Variants in TBC1D8 observed in about 807,000 individuals in gnomAD.
The protein encoded by TBC1D8 is TBC1 domain family member 8.
TBC1D8 carries 65 observed loss-of-function variants against 118.8 expected under a neutral mutation model. That is an observed-to-expected ratio of 0.55 (90% CI 0.45 to 0.67). TBC1D8 has a LOEUF of 0.67. Ranked by LOEUF, TBC1D8 falls within the 30% of genes least tolerant of loss-of-function variation. The pLI is 0.00. For missense variants in TBC1D8, 1,376 were observed against 1,471.2 expected, an observed-to-expected ratio of 0.94 and a Z score of 1.06; for synonymous variants, 566 against 595.8, an observed-to-expected ratio of 0.95 and a Z score of 0.73.
At chr2:101,090,931 T>A (rs1675993643) in intron 1 of TBC1D8, among the ~76,000 whole-genome samples, 2 of 152,238 alleles carry the variant, frequency 1.3e-5, no homozygotes, top group South Asian at 4.1e-4. Flanking sequence ...GTCATCATTA[T>A]CCTCCTCTCC....
chr2:101,081,293 C>A (rs1260573904), intron 2 of TBC1D8, among the ~76,000 whole-genome samples: 1 of 152,216 alleles, frequency 6.6e-6, no homozygotes, highest in Non-Finnish European at 1.5e-5. Flanking sequence ...CTGCACCCCA[C>A]AATGCCCAGG....
intron 1 of TBC1D8, 59 bp downstream of exon 1, chr2:101,151,068 C>T (rs1029569159): frequency 7.0e-6 from 3 of 427,038 alleles, no homozygotes; most frequent in Non-Finnish European, 9.3e-6. Flanking sequence ...GGGCCGCGGG[C>T]CCGGCGGGGT....
At chr2:101,131,070 ATTTAT>A (rs1004872908) in intron 1 of TBC1D8, among the ~76,000 whole-genome samples, 18 of 152,180 alleles carry the variant, frequency 1.2e-4, no homozygotes, top group African/African-American at 4.3e-4. Flanking sequence ...TTATTTATTT[ATTTAT>A]TTATTTTTAG....
chr2:101,011,175 G>T, intron 18 of TBC1D8, 149 bp from the exon 19 acceptor site: 1 of 773,732 alleles, frequency 1.3e-6, no homozygotes, highest in Non-Finnish European at 2.1e-6. Context: ...TTCCCCTGGA[G>T]AGCCAGTGGG....
At chr2:101,031,701 TAGC>T (rs138692139) in intron 11 of TBC1D8, among the ~76,000 whole-genome samples, 2,102 of 152,260 alleles carry the variant, frequency 0.014, 58 homozygotes, top group African/African-American at 0.048. Flanking sequence ...AGAGTCCAGA[TAGC>T]AGCCAACGAG....
intron 1 of TBC1D8, among the ~76,000 whole-genome samples, chr2:101,104,286 T>C (rs945540693): frequency 1.3e-5 from 2 of 152,220 alleles, no homozygotes; most frequent in African/African-American, 4.8e-5. Context: ...ATGTAATTCC[T>C]CCCAATTTTA....
chr2:101,105,316 T>C (rs901894449), intron 1 of TBC1D8, among the ~76,000 whole-genome samples: 5 of 152,038 alleles, frequency 3.3e-5, no homozygotes, highest in African/African-American at 7.2e-5. Flanking sequence ...CAATTAAAAA[T>C]AGGCAAAAAA....
intron 4 of TBC1D8, 73 bp from the exon 5 acceptor site, chr2:101,050,714 C>A (rs1682019014): frequency 6.4e-7 from 1 of 1,560,282 alleles, no homozygotes; most frequent in Non-Finnish European, 8.7e-7. Flanking sequence ...CAGCAAGCAA[C>A]TATCCAAAGC....
At chr2:101,149,510 G>A (rs956472251) in intron 1 of TBC1D8, among the ~76,000 whole-genome samples, 24 of 152,170 alleles carry the variant, frequency 1.6e-4, no homozygotes, top group Non-Finnish European at 3.4e-4. Context: ...ATATGTGCAC[G>A]GAACTCAGTG....
chr2:101,032,413 C>T lies in TBC1D8; in HGVS notation c.1819-28G>A, dbSNP rs201412916. On this transcript the variant is annotated intron_variant, in intron 10 of 19. Transcript: ENST00000409318. ...GCTCGGGGGTCAAGGAGGGCAGTTA[C>T]TGACTGGCCCATGTGATGCCACAGA... 220 of 1,581,426 alleles carry T rather than the reference C, an allele frequency of 1.4e-4. 2 individuals are homozygous for T. In the African/African-American group the frequency reaches 1.9e-3, roughly 14 times the overall value.
At chr2:101,051,598 C>T (rs932475744) in intron 4 of TBC1D8, among the ~76,000 whole-genome samples, 3 of 151,832 alleles carry the variant, frequency 2.0e-5, no homozygotes, top group Admixed American at 6.6e-5. Context: ...GGAACTTAAA[C>T]ACATTTACAA....
At chr2:101,032,648 TA>T (rs987930830) in intron 10 of TBC1D8, 3 of 405,404 alleles carry the variant, frequency 7.4e-6, no homozygotes, top group African/African-American at 5.9e-5. Flanking sequence ...GTGCAAGTCT[TA>T]AGGTTGGTTT....
chr2:101,040,241 G>A lies in TBC1D8; in HGVS notation c.1017C>T (p.Asp339=). The A allele has an allele frequency of 6.2e-7, 1 of 1,614,032 alleles. No homozygotes were observed. The highest frequency in any genetic ancestry group is 8.5e-7 in the Non-Finnish European group (1 of 1,179,906). Reference sequence around the variant, plus strand: ...CTCTGCTGGCAAAGCAGATGTAGCTGTCAGAGGCGAACATCCGCCCCGTGG... The same window carrying A: ...CTCTGCTGGCAAAGCAGATGTAGCTATCAGAGGCGAACATCCGCCCCGTGG... ...CHTTGRMFAS[D]SYICFASRED... Residue 339 remains aspartate, a synonymous_variant, in exon 6 of 20, where the codon GAC becomes GAT. Transcript: ENST00000409318.
At chr2:101,107,826 T>C (rs1485621685) in intron 1 of TBC1D8, among the ~76,000 whole-genome samples, 4 of 152,134 alleles carry the variant, frequency 2.6e-5, no homozygotes, top group Non-Finnish European at 4.4e-5. Flanking sequence ...TAACTTTACA[T>C]TGAAGAAACT....
intron 1 of TBC1D8, among the ~76,000 whole-genome samples, chr2:101,101,285 C>T (rs972832778): frequency 1.3e-5 from 2 of 152,028 alleles, no homozygotes; most frequent in East Asian, 1.9e-4. Context: ...AGCCAACAAA[C>T]GTATGAAAAA....
At chr2:101,146,527 G>A (rs1679323073) in intron 1 of TBC1D8, among the ~76,000 whole-genome samples, 1 of 152,162 alleles carries the variant, frequency 6.6e-6, no homozygotes, top group Non-Finnish European at 1.5e-5. Flanking sequence ...ATCCTTCAGA[G>A]GACACAGCTG....
At chr2:101,020,257 T>C (rs7561411) in intron 17 of TBC1D8, among the ~76,000 whole-genome samples, 28,089 of 151,932 alleles carry the variant, frequency 0.18, 2,810 homozygotes, top group Middle Eastern at 0.32. Flanking sequence ...GATAAAATAA[T>C]AGAGTAAAAT....
At chr2:101,150,485 T>C (rs1287490901) in intron 1 of TBC1D8, among the ~76,000 whole-genome samples, 1 of 152,204 alleles carries the variant, frequency 6.6e-6, no homozygotes, top group Non-Finnish European at 1.5e-5. Flanking sequence ...TGTTTTATCA[T>C]CAACTTTACG....
rs1680551866 is a variant in TBC1D8, at chr2:101,029,583, G to A, written c.2130C>T (p.Ala710=). ...GCACAGCCAGTCCCAGCTGGAAGATGGCTTTGATGCCATCATAGAAGAAGC... is the reference window on the plus strand; with the variant it reads ...GCACAGCCAGTCCCAGCTGGAAGATAGCTTTGATGCCATCATAGAAGAAGC... The part of the protein sequence containing the change: ...VDCFFYDGIK[A]IFQLGLAVLE... Residue 710 remains alanine (A), a synonymous_variant, in exon 12 of 20, where the codon GCC becomes GCT. Coordinates refer to ENST00000409318, the MANE Select transcript of TBC1D8 (RefSeq NM_001330348.2). 2 of 1,613,950 alleles carry A rather than the reference G, an allele frequency of 1.2e-6. No individual in the cohort carries two copies. Among genetic ancestry groups the A allele is most frequent in the East Asian group, 4.5e-5 (2 of 44,868 alleles).
Sources: allele counts gnomAD v4.1 joint callset (sites outside exome capture counted in the v4.1 genomes callset), GRCh38; gene constraint gnomAD v4.1.1; transcripts MANE v1.5; gene names NCBI Gene and HGNC (gene_info 2026-07-23, HGNC 2026-07-21).